CNTN5: variants seen among roughly 807,000 people sequenced by gnomAD.
CNTN5 encodes the protein contactin-5.
Under a neutral mutation model 129.1 loss-of-function variants are expected in CNTN5, and 77 were observed. The ratio of observed to expected loss-of-function variants is 0.60; its 90% CI spans 0.50 to 0.72. The LOEUF is 0.72. Among genes scored for constraint, CNTN5 ranks in the 30% least tolerant of loss-of-function variants. The probability of loss-of-function intolerance (pLI) is 0.00; values close to 1 mark genes in which losing one functional copy is unlikely to be tolerated. For synonymous variants in CNTN5, 509 were observed against 465.6 expected (o/e 1.09, Z -1.20); for missense variants, 1,478 against 1,328.8 (o/e 1.11, Z -1.75).
chr11:99,935,048 CATATATCTTCACATAGAA>C (rs1368914452), intron 7 of CNTN5, among the ~76,000 whole-genome samples: 2 of 149,762 alleles, frequency 1.3e-5, no homozygotes, highest in Admixed American at 6.7e-5. Context: ...ACATCTCCAG[CATATATCTTCACATAGAA>C]ATATATCTTC....
chr11:99,108,872 G>T (rs546361338), intron 1 of CNTN5, among the ~76,000 whole-genome samples: 1 of 151,974 alleles, frequency 6.6e-6, no homozygotes, highest in East Asian at 1.9e-4. Context: ...ACTTAAAAAT[G>T]GTTATACATA....
intron 3 of CNTN5, among the ~76,000 whole-genome samples, chr11:99,696,896 TA>T (rs1196240216): frequency 7.2e-5 from 11 of 151,974 alleles, no homozygotes; most frequent in African/African-American, 2.2e-4. Flanking sequence ...ATGCACATAA[TA>T]GTTTACAAAG....
intron 3 of CNTN5, among the ~76,000 whole-genome samples, chr11:99,637,746 G>A (rs1406836672): frequency 1.3e-5 from 2 of 151,370 alleles, no homozygotes; most frequent in Non-Finnish European, 2.9e-5. Context: ...TATCAGTCTT[G>A]CCTTTACATT....
chr11:99,735,127 T>C (rs1455756037), intron 3 of CNTN5, among the ~76,000 whole-genome samples: 2 of 152,248 alleles, frequency 1.3e-5, no homozygotes, highest in African/African-American at 4.8e-5. Flanking sequence ...ACCTACTATG[T>C]ACTAGGCATT....
Position 99,699,229 on chromosome 11 carries a change from T to G in CNTN5, c.56-120315T>G, listed in dbSNP as rs188449866. On this transcript the variant is annotated intron_variant, in intron 3 of 24. Transcript: ENST00000524871. Reference sequence around the variant, plus strand: ...TAAGCAATGACACTTTAAAATTAACTAAGAAAATTAAATTTGAGGTAAAAT... The same window carrying G: ...TAAGCAATGACACTTTAAAATTAACGAAGAAAATTAAATTTGAGGTAAAAT... Among the ~76,000 whole-genome samples, 389 of 151,560 alleles carry G rather than the reference T, an allele frequency of 2.6e-3. 1 individual carries two copies. The highest frequency in any genetic ancestry group is 8.0e-3 in the African/African-American group (330 of 41,508).
chr11:99,290,259 A>G (rs897097612), intron 1 of CNTN5, among the ~76,000 whole-genome samples: 1 of 151,892 alleles, frequency 6.6e-6, no homozygotes, highest in African/African-American at 2.4e-5. Context: ...AAGCTTGCAT[A>G]GAGACATTTT....
chr11:99,663,744 G>C (rs576783886), intron 3 of CNTN5, among the ~76,000 whole-genome samples: 3 of 152,226 alleles, frequency 2.0e-5, no homozygotes, highest in African/African-American at 7.2e-5. Flanking sequence ...AGACGTGCCT[G>C]CTTCCCCTTC....
At chr11:99,099,704 A>G (rs1215970084) in intron 1 of CNTN5, among the ~76,000 whole-genome samples, 3 of 152,098 alleles carry the variant, frequency 2.0e-5, no homozygotes, top group Admixed American at 6.6e-5. Flanking sequence ...GTGTCCCAGT[A>G]TTTGCTGTTT....
chr11:99,134,864 A>C (rs1047547585), intron 1 of CNTN5, among the ~76,000 whole-genome samples: 1 of 152,236 alleles, frequency 6.6e-6, no homozygotes, highest in African/African-American at 2.4e-5. Flanking sequence ...ACTAGGTAAC[A>C]AATAAAATAT....
At chr11:99,416,463 A>G (rs756463675) in intron 2 of CNTN5, among the ~76,000 whole-genome samples, 14 of 151,824 alleles carry the variant, frequency 9.2e-5, no homozygotes, top group Non-Finnish European at 1.5e-5. Flanking sequence ...TTTTATTTTC[A>G]TGTTGGTGAG....
At chr11:99,581,000 T>C (rs1261849135) in intron 3 of CNTN5, among the ~76,000 whole-genome samples, 1 of 148,832 alleles carries the variant, frequency 6.7e-6, no homozygotes, top group Non-Finnish European at 1.5e-5. Context: ...CACACTGCTT[T>C]GAATATGTCC....
intron 16 of CNTN5, among the ~76,000 whole-genome samples, chr11:100,242,117 T>C (rs756351446): frequency 4.6e-5 from 7 of 152,170 alleles, no homozygotes; most frequent in African/African-American, 7.2e-5. Context: ...TGGCACTTGC[T>C]AATCTTTCTG....
At chr11:99,679,035 A>T (rs1482132110) in intron 3 of CNTN5, among the ~76,000 whole-genome samples, 3 of 147,526 alleles carry the variant, frequency 2.0e-5, no homozygotes, top group East Asian at 1.9e-4. Flanking sequence ...TATATATATA[A>T]AATATATGCA....
chr11:99,206,367 A>C (rs1019200471), intron 1 of CNTN5, among the ~76,000 whole-genome samples: 5 of 152,156 alleles, frequency 3.3e-5, no homozygotes, highest in Non-Finnish European at 7.4e-5. Flanking sequence ...GATTCTTCCC[A>C]TAAAAGAACT....
At chr11:99,433,036 G>C (rs1189927526) in intron 2 of CNTN5, among the ~76,000 whole-genome samples, 1 of 151,218 alleles carries the variant, frequency 6.6e-6, no homozygotes, top group Non-Finnish European at 1.5e-5. Context: ...AAGGTTTAGT[G>C]GACTGTGTAG....
At chr11:99,867,036 G>C (rs528044346) in intron 6 of CNTN5, among the ~76,000 whole-genome samples, 2 of 152,296 alleles carry the variant, frequency 1.3e-5, no homozygotes, top group Non-Finnish European at 2.9e-5. Flanking sequence ...TATTGAAGAA[G>C]TCTTCAATCC....
At chr11:99,128,093 G>T (rs1019011322) in intron 1 of CNTN5, among the ~76,000 whole-genome samples, 3 of 152,160 alleles carry the variant, frequency 2.0e-5, no homozygotes, top group African/African-American at 7.2e-5. Context: ...CAGGAGAACT[G>T]TCCACTGTCA....
intron 1 of CNTN5, among the ~76,000 whole-genome samples, chr11:99,323,524 G>C (rs1326553385): frequency 1.3e-5 from 2 of 152,038 alleles, no homozygotes; most frequent in African/African-American, 4.8e-5. Flanking sequence ...ATATGTGCTA[G>C]ACATGTTGGT....
At chr11:99,583,687 G>A (rs1949694654) in intron 3 of CNTN5, among the ~76,000 whole-genome samples, 1 of 152,194 alleles carries the variant, frequency 6.6e-6, no homozygotes, top group South Asian at 2.1e-4. Flanking sequence ...TGCAGTATTA[G>A]GGTGGGAGTG....
Sources: gnomAD v4.1 joint callset for allele counts (sites outside exome capture counted in the v4.1 genomes callset) on GRCh38, gnomAD v4.1.1 for gene constraint, MANE v1.5 for transcripts, NCBI Gene and HGNC (gene_info 2026-07-23, HGNC 2026-07-21) for gene names.